The following KAT6B variants were observed in gnomAD, a reference collection of about 807,000 sequenced individuals.
KAT6B encodes lysine acetyltransferase 6B.
A neutral mutation model predicts 187.5 loss-of-function variants in KAT6B; 10 were observed. The observed-to-expected ratio is 0.05, with a 90% CI of 0.03 to 0.09. The LOEUF (loss-of-function observed/expected upper bound fraction) is 0.09. Among genes scored for constraint, KAT6B ranks in the 10% least tolerant of loss-of-function variants. The pLI, the probability that KAT6B is intolerant of heterozygous loss-of-function variation, is 1.00. For synonymous variants in KAT6B, 861 were observed against 926.8 expected (o/e 0.93, Z 1.29); for missense variants, 1,952 against 2,558.9 (o/e 0.76, Z 5.12).
At chr10:74,947,495 G>A (rs972092914) in intron 3 of KAT6B, among the ~76,000 whole-genome samples, 3 of 152,116 alleles carry the variant, frequency 2.0e-5, no homozygotes, top group Non-Finnish European at 2.9e-5. Context: ...TGTTACATTC[G>A]TATATTCAAC....
At chr10:74,915,041 A>G (rs11001198) in intron 3 of KAT6B, among the ~76,000 whole-genome samples, 12,351 of 152,260 alleles carry the variant, frequency 0.081, 663 homozygotes, top group South Asian at 0.27. Flanking sequence ...TCAAGGTTGT[A>G]GTGAGCTATG....
intron 1 of KAT6B, among the ~76,000 whole-genome samples, chr10:74,833,356 C>A (rs1017202306): frequency 6.6e-6 from 1 of 152,120 alleles, no homozygotes; most frequent in Admixed American, 6.5e-5. Flanking sequence ...TGTACCCTGG[C>A]TCCAAAGACC....
At chr10:74,972,765 ACTTTTC>A (rs1841930943) in intron 7 of KAT6B, 126 bp downstream of exon 7, 6 of 919,182 alleles carry the variant, frequency 6.5e-6, no homozygotes, top group African/African-American at 3.4e-5. Flanking sequence ...GTTGAAAAAT[ACTTTTC>A]CTTTTGCATA....
chr10:75,009,543 C>T (rs1844450298), intron 13 of KAT6B, among the ~76,000 whole-genome samples: 1 of 152,138 alleles, frequency 6.6e-6, no homozygotes, highest in Non-Finnish European at 1.5e-5. Context: ...AAACAGTGGA[C>T]AGAATAGCGG....
rs907697021 is a variant in KAT6B, at chr10:74,981,682, T to C, written c.2232-105T>C. The C allele has an allele frequency of 1.7e-5, 15 of 891,632 alleles. No individual in the cohort carries two copies. In the Middle Eastern group the frequency reaches 1.0e-3, roughly 61 times the overall value. 55.2% of individuals were successfully genotyped at this position (891,632 alleles called of 1,614,324 possible). ...AGCCACTGCACCCAGCCTCCAATGT[T>C]ATTATACAGCCTTTTTATGATGTAG... On this transcript the variant is annotated intron_variant, in intron 10 of 17. Coordinates refer to ENST00000287239, the MANE Select transcript of KAT6B (RefSeq NM_012330.4).
At chr10:75,020,415 C>G (rs1001365993) in intron 13 of KAT6B, among the ~76,000 whole-genome samples, 167 bp from the exon 14 acceptor site, 9 of 152,188 alleles carry the variant, frequency 5.9e-5, no homozygotes, top group Admixed American at 5.9e-4. Flanking sequence ...GTAAACTTCA[C>G]GGAGATCAAA....
At chr10:74,990,465 T>C (rs1194928423) in intron 13 of KAT6B, among the ~76,000 whole-genome samples, 1 of 152,094 alleles carries the variant, frequency 6.6e-6, no homozygotes, top group Admixed American at 6.5e-5. Flanking sequence ...TGAATAGCAG[T>C]TTTGGACTGA....
At chr10:74,964,486 C>T (rs1408522272) in intron 4 of KAT6B, among the ~76,000 whole-genome samples, 2 of 152,022 alleles carry the variant, frequency 1.3e-5, no homozygotes, top group Non-Finnish European at 2.9e-5. Context: ...TTTGTTAGCC[C>T]CTTGGTCCTC....
Position 74,946,980 on chromosome 10 carries a change from G to GA in KAT6B, c.622-12981dup, listed in dbSNP as rs199749800. Among the ~76,000 whole-genome samples the GA allele has an allele frequency of 8.0e-5, 12 of 149,974 alleles. 1 individual carries two copies. Among genetic ancestry groups the GA allele is most frequent in the African/African-American group, 9.8e-5 (4 of 40,890 alleles). ...ATGTTATTTATATTTTGCCACAATT[G>GA]AAAAAAAAACTGTTTGTTTGTTATA... On this transcript the variant is annotated intron_variant, in intron 3 of 17. Transcript: ENST00000287239.
intron 11 of KAT6B, chr10:74,984,235 C>A (rs1842691450): frequency 6.6e-6 from 1 of 152,148 alleles, no homozygotes; most frequent in Non-Finnish European, 1.5e-5. Flanking sequence ...AGATGAGAAC[C>A]CGTATGGTCC....
chr10:74,988,953 C>A, intron 12 of KAT6B, 66 bp from the exon 13 acceptor site: 1 of 1,055,752 alleles, frequency 9.5e-7, no homozygotes, highest in Non-Finnish European at 1.5e-6. Flanking sequence ...AGGACAGTGG[C>A]AGGTGCAGGG....
chr10:74,867,184 C>T (rs1843613506), intron 3 of KAT6B, among the ~76,000 whole-genome samples: 1 of 152,096 alleles, frequency 6.6e-6, no homozygotes, highest in Admixed American at 6.6e-5. Context: ...TATACTTATT[C>T]TATTTTATGA....
intron 3 of KAT6B, among the ~76,000 whole-genome samples, chr10:74,923,411 A>G (rs1410555019): frequency 6.6e-6 from 1 of 152,240 alleles, no homozygotes; most frequent in African/African-American, 2.4e-5. Flanking sequence ...GAAGAGACAA[A>G]TAATGTAAGT....
At chr10:74,955,675 T>C (rs1022912774) in intron 3 of KAT6B, among the ~76,000 whole-genome samples, 1 of 152,094 alleles carries the variant, frequency 6.6e-6, no homozygotes, top group African/African-American at 2.4e-5. Context: ...TTTACTCCTA[T>C]ATTTCAACAT....
chr10:74,830,137 G>T (rs1477427695), intron 1 of KAT6B, among the ~76,000 whole-genome samples: 1 of 151,950 alleles, frequency 6.6e-6, no homozygotes, highest in Non-Finnish European at 1.5e-5. Context: ...GTGGGGTGAT[G>T]GGATATTTCT....
At chr10:74,968,811 G>C (rs12264036) in intron 4 of KAT6B, among the ~76,000 whole-genome samples, 4,913 of 152,176 alleles carry the variant, frequency 0.032, 281 homozygotes, top group African/African-American at 0.11. Flanking sequence ...CTCACGCTCC[G>C]CACACCTCTT....
chr10:74,969,606 TA>T, intron 4 of KAT6B, 53 bp from the exon 5 acceptor site: 1 of 1,063,048 alleles, frequency 9.4e-7, no homozygotes, highest in Non-Finnish European at 1.5e-6. Context: ...AATGGGAGTT[TA>T]AAAAAGTCAA....
chr10:74,962,639 T>C (rs767610055), intron 4 of KAT6B, among the ~76,000 whole-genome samples: 9 of 152,184 alleles, frequency 5.9e-5, no homozygotes, highest in African/African-American at 9.6e-5. Context: ...CTTAAATGTG[T>C]TTCCCATATG....
intron 3 of KAT6B, among the ~76,000 whole-genome samples, chr10:74,857,202 T>C (rs1037431056): frequency 6.6e-6 from 1 of 152,232 alleles, no homozygotes; most frequent in African/African-American, 2.4e-5. Flanking sequence ...ACAACACAAA[T>C]GTATTGTCTT....
Sources: allele counts gnomAD v4.1 joint callset (sites outside exome capture counted in the v4.1 genomes callset), GRCh38; gene constraint gnomAD v4.1.1; transcripts MANE v1.5; gene names NCBI Gene and HGNC (gene_info 2026-07-23, HGNC 2026-07-21).